The following CROCC2 variants were observed in gnomAD, a reference collection of about 807,000 sequenced individuals.
CROCC2 encodes the protein ciliary rootlet coiled-coil, rootletin family member 2.
A neutral mutation model predicts 177.6 loss-of-function variants in CROCC2; 163 were observed. The ratio of observed to expected loss-of-function variants is 0.92; its 90% confidence interval spans 0.81 to 1.05. The LOEUF is 1.05. Among genes scored for constraint, CROCC2 ranks in the 50% least tolerant of loss-of-function variants. CROCC2 has a pLI of 0.00. For synonymous variants in CROCC2, 904 were observed against 787.3 expected, an observed-to-expected ratio of 1.15 and a Z score of -2.48; for missense variants, 1,929 against 1,797.8, an observed-to-expected ratio of 1.07 and a Z score of -1.32.
At chr2:240,976,028 G>A (rs1027360683) in intron 27 of CROCC2, among the ~76,000 whole-genome samples, 2 of 152,192 alleles carry the variant, frequency 1.3e-5, no homozygotes, top group Non-Finnish European at 2.9e-5. Context: ...ACAGCGCCCA[G>A]CCCAGCCTTC....
chr2:240,911,311 T>TTG (rs2059286903), intron 1 of CROCC2, among the ~76,000 whole-genome samples: 1 of 149,780 alleles, frequency 6.7e-6, no homozygotes, highest in Non-Finnish European at 1.5e-5. Context: ...TTTTTTTTTT[T>TTG]TTTTAGACAG....
intron 3 of CROCC2, among the ~76,000 whole-genome samples, chr2:240,921,844 G>A (rs1451443809): frequency 6.6e-6 from 1 of 152,220 alleles, no homozygotes; most frequent in East Asian, 1.9e-4. Context: ...GAGGCCCCAG[G>A]CCTGCTGCCC....
At position 240,955,967 on chromosome 2, in the gene CROCC2, G is replaced by A; in HGVS notation, c.2938G>A (p.Ala980Thr). ...QQEAQSQQEQ[A>T]QATISATTEE... ...GGAGGCACAGAGCCAGCAGGAGCAAGCGCAGGTGAGCCCCATGCAGCCAGG... is the reference window on the plus strand; with the variant it reads ...GGAGGCACAGAGCCAGCAGGAGCAAACGCAGGTGAGCCCCATGCAGCCAGG... Residue 980 changes from alanine (A) to threonine (T), a missense_variant, in exon 19 of 32, where the codon GCG (alanine) becomes ACG (threonine). Ala to Thr is a moderately conservative substitution (Grantham distance 58). Around this residue, in one of 3 missense-constraint regions of CROCC2, gnomAD observed 1,397 missense variants for 1,239.9 expected, o/e 1.13. Coordinates refer to ENST00000690015, the MANE Select transcript of CROCC2 (RefSeq NM_001351305.2). 4 of 1,534,112 alleles carry A rather than the reference G, an allele frequency of 2.6e-6. No homozygotes were observed. The highest frequency in any genetic ancestry group is 3.5e-6 in the Non-Finnish European group (4 of 1,146,604).
At chr2:240,969,515 GAGAC>G (rs1386529618) in intron 27 of CROCC2, among the ~76,000 whole-genome samples, 1 of 152,234 alleles carries the variant, frequency 6.6e-6, no homozygotes, top group Admixed American at 6.5e-5. Flanking sequence ...AGTAAGACTA[GAGAC>G]GTCTGTGGAA....
At chr2:240,991,996 C>T (rs943325675) in intron 31 of CROCC2, among the ~76,000 whole-genome samples, 1 of 152,196 alleles carries the variant, frequency 6.6e-6, no homozygotes, top group Non-Finnish European at 1.5e-5. Context: ...ACTCACTGGC[C>T]GCCAGAAGAA....
intron 29 of CROCC2, 65 bp from the exon 30 acceptor site, chr2:240,989,589 T>C: frequency 6.9e-7 from 1 of 1,459,238 alleles, no homozygotes; most frequent in Non-Finnish European, 9.2e-7. Flanking sequence ...GTGGCACTCC[T>C]GCCCTGGGAT....
At position 240,917,220 on chromosome 2, in the gene CROCC2, C is replaced by G. The variant is rs2059326642; in HGVS notation, c.79-1506C>G. 6.6e-6 allele frequency among the ~76,000 whole-genome samples: 1 copy of G among 152,176 alleles called. No homozygotes were observed. The highest frequency in any genetic ancestry group is 2.1e-4 in the South Asian group (1 of 4,828). On this transcript the variant is annotated intron_variant, in intron 1 of 31. Coordinates refer to ENST00000690015, the MANE Select transcript of CROCC2 (RefSeq NM_001351305.2). This position sits in a 1 kb window ranked among gnomAD's most constrained non-coding sequence, Gnocchi z 4.9. ...GCGTTTGCTGAGTGGCTGCCCTTTGCAGGGCAGCAGAGTCGGAATAGGGCC... is the reference window on the plus strand; with the variant it reads ...GCGTTTGCTGAGTGGCTGCCCTTTGGAGGGCAGCAGAGTCGGAATAGGGCC...
chr2:240,967,415 C>T lies in CROCC2; in HGVS notation c.4217C>T (p.Ala1406Val), dbSNP rs1201330296. ...GAGGCAGAGTGCAGGTGTGCCCGGG[C>T]CCAGAGCCGCGTGGGGCAGCTGCAG... ...LSEAECRCARAQSRVGQLQKA... is the reference protein window; with the variant it reads ...LSEAECRCARVQSRVGQLQKA... The change falls in exon 26 of 32, where the codon GCC becomes GTC. Residue 1406 changes from alanine to valine, a missense_variant. Ala to Val is a moderately conservative substitution (Grantham distance 64, BLOSUM62 0). Around this residue, in one of 3 missense-constraint regions of CROCC2, gnomAD observed 388 missense variants for 352.7 expected, o/e 1.10. Coordinates refer to ENST00000690015, the MANE Select transcript of CROCC2 (RefSeq NM_001351305.2). 4.4e-6 allele frequency: 5 copies of T among 1,129,904 alleles called. No homozygotes were observed. The East Asian group carries it at 1.3e-4, about 29-fold the overall frequency. The allele number at this position is 1,129,904 out of a possible 1,614,324, so 70.0% of individuals were successfully genotyped here. A position where few individuals can be genotyped will look rare whatever the true frequency, so the allele number is the denominator to read the frequency against.
intron 27 of CROCC2, among the ~76,000 whole-genome samples, chr2:240,970,935 C>T (rs915075565): frequency 1.3e-5 from 2 of 152,318 alleles, no homozygotes; most frequent in Non-Finnish European, 2.9e-5. Flanking sequence ...CCACCCGAGG[C>T]CACGGGGAAG....
chr2:240,935,661 C>A, intron 14 of CROCC2, 73 bp downstream of exon 14: 3 of 1,185,608 alleles, frequency 2.5e-6, no homozygotes, highest in Non-Finnish European at 3.3e-6. Flanking sequence ...TAAGGTACTT[C>A]TGGGAGTCAG....
chr2:240,934,812 T>C (rs1444260802), intron 12 of CROCC2, 104 bp from the exon 13 acceptor site: 28 of 1,277,218 alleles, frequency 2.2e-5, no homozygotes, highest in Non-Finnish European at 1.4e-5. Context: ...CCAAGAGCTC[T>C]GGCTTGCACA....
rs1349370742 is a variant in CROCC2 at position 240,934,418 on chromosome 2, G to C, written c.1734G>C (p.Gln578His). Residue 578 changes from glutamine to histidine, a missense_variant, in exon 12 of 32, where the codon CAG becomes CAC. By Grantham distance (24) the Gln-to-His change is conservative. Around this residue, in one of 3 missense-constraint regions of CROCC2, gnomAD observed 1,397 missense variants for 1,239.9 expected, o/e 1.13. Transcript: ENST00000690015. ...ASVREALSTA[Q>H]LQRDVVESER... ...TCCGGGAGGCACTGAGCACAGCACA[G>C]CTGCAGCGGGATGTCGTGGAGAGTG... 2 of 1,548,566 alleles carry C rather than the reference G, an allele frequency of 1.3e-6. No homozygotes were observed. Among genetic ancestry groups the C allele is most frequent in the Admixed American group, 2.0e-5 (1 of 50,994 alleles).
At chr2:240,906,812 C>A (rs1213763084) in intron 1 of CROCC2, among the ~76,000 whole-genome samples, 3 of 152,212 alleles carry the variant, frequency 2.0e-5, no homozygotes, top group Non-Finnish European at 4.4e-5. Flanking sequence ...GAGAGAGAGC[C>A]TGGGGAGAGA....
At chr2:240,931,176 CG>C (rs34408974) in intron 7 of CROCC2, 48 bp downstream of exon 7, 109,025 of 671,696 alleles carry the variant, frequency 0.16, 10,091 homozygotes, top group African/African-American at 0.21. Flanking sequence ...CCCGGGGGGT[CG>C]GGGCCCATCC....
At position 240,917,252 on chromosome 2, in the gene CROCC2, G is replaced by A. The variant is rs1574744998; in HGVS notation, c.79-1474G>A. Among the ~76,000 whole-genome samples the A allele has an allele frequency of 7.3e-6, 1 of 136,096 alleles. No homozygotes were observed. The highest frequency in any genetic ancestry group is 1.5e-5 in the Non-Finnish European group (1 of 67,724). 89.3% of individuals were successfully genotyped at this position (136,096 alleles called of 152,430 possible). A position where few individuals can be genotyped will look rare whatever the true frequency, so the allele number is the denominator to read the frequency against. Reference sequence around the variant, plus strand: ...GCAGAGTCGGAATAGGGCCTCTCCAGGCGCCATGCTGAGCCTGGGTCTGCG... The same window carrying A: ...GCAGAGTCGGAATAGGGCCTCTCCAAGCGCCATGCTGAGCCTGGGTCTGCG... On this transcript the variant is annotated intron_variant, in intron 1 of 31. Coordinates refer to ENST00000690015, the MANE Select transcript of CROCC2 (RefSeq NM_001351305.2). This position sits in a 1 kb window ranked among gnomAD's most constrained non-coding sequence, Gnocchi z 4.9.
chr2:240,966,969 C>A (rs1235053809), intron 25 of CROCC2, among the ~76,000 whole-genome samples: 3 of 152,096 alleles, frequency 2.0e-5, no homozygotes, highest in Middle Eastern at 3.2e-3. Context: ...CTGCCAGCCC[C>A]AGGGGGCAGG....
At chr2:240,983,539 G>A in intron 28 of CROCC2, 2 of 1,272,164 alleles carry the variant, frequency 1.6e-6, no homozygotes, top group Non-Finnish European at 2.0e-6. Context: ...GGGCGCGTCT[G>A]CAGGGGGAGC....
intron 20 of CROCC2, among the ~76,000 whole-genome samples, chr2:240,961,926 C>CGT (rs1231105973): frequency 6.7e-6 from 1 of 149,010 alleles, no homozygotes; most frequent in Non-Finnish European, 1.5e-5. Flanking sequence ...GGCATACGGA[C>CGT]GTGCACACAC....
chr2:240,989,812 G>C lies in CROCC2; in HGVS notation c.4842G>C (p.Gln1614His), dbSNP rs2059865662. ...CCCAAGAATGGACCCACCAGCAGCAGGTAAAGGTGCTGGAAGAGCAGGTAA... is the reference window on the plus strand; with the variant it reads ...CCCAAGAATGGACCCACCAGCAGCACGTAAAGGTGCTGGAAGAGCAGGTAA... Reference protein sequence around the residue: ...LESQEWTHQQQVKVLEEQVAS... With the variant: ...LESQEWTHQQHVKVLEEQVAS... Residue 1614 changes from glutamine to histidine, a missense_variant, in exon 30 of 32, where the codon CAG becomes CAC. Gln to His is a conservative substitution (Grantham distance 24). This residue lies in a region of CROCC2 where 388 missense variants were observed against 352.7 expected (regional missense o/e 1.10). Transcript: ENST00000690015. 1.3e-6 allele frequency: 2 copies of C among 1,544,890 alleles called. No individual in the cohort carries two copies. Among genetic ancestry groups the C allele is most frequent in the Admixed American group, 2.0e-5 (1 of 50,768 alleles).
Sources: allele counts gnomAD v4.1 joint callset (sites outside exome capture counted in the v4.1 genomes callset), GRCh38; gene constraint gnomAD v4.1.1; regional missense constraint gnomAD v4.1.1; non-coding constraint Gnocchi (gnomAD v3.1); transcripts MANE v1.5; gene names NCBI Gene and HGNC (gene_info 2026-07-23, HGNC 2026-07-21).